The following NFILZ variants were observed in gnomAD, a reference collection of about 807,000 sequenced individuals.
NFILZ encodes the protein NFIL3 like protein.
intron 3 of NFILZ, among the ~76,000 whole-genome samples, chr19:8,670,329 T>G (rs528285656): frequency 6.6e-6 from 1 of 152,280 alleles, no homozygotes; most frequent in Non-Finnish European, 1.5e-5. Context: ...CTTGAACTCC[T>G]AGGCTCAAGT....
In NFILZ at chr19:8,679,312, G is replaced by T. The variant is rs1295404937; in HGVS notation, c.*1677G>T. On this transcript the variant is annotated 3_prime_UTR_variant, in exon 6 of 6. Transcript: ENST00000691075. ...TATTATTATTATTATTATTACATCAGGGATCTTGTTAGATTCTAGATAAAA... is the reference window on the plus strand; with the variant it reads ...TATTATTATTATTATTATTACATCATGGATCTTGTTAGATTCTAGATAAAA... Among the ~76,000 whole-genome samples the T allele has an allele frequency of 1.3e-4, 18 of 143,188 alleles. No homozygotes were observed. Among genetic ancestry groups the T allele is most frequent in the African/African-American group, 4.9e-4 (17 of 34,548 alleles). The allele number at this position is 143,188 out of a possible 152,430, so 93.9% of individuals were successfully genotyped here.
rs548764521 is a variant in NFILZ, at chr19:8,662,054, A to C, written c.-163-12497A>C. On this transcript the variant is annotated intron_variant, in intron 3 of 5. Transcript: ENST00000691075. ...GTCTCTACAAAATAAAAATAAAAAA[A>C]ACTGGCCAGGTGTGGTGGCACATGC... Among the ~76,000 whole-genome samples the C allele has an allele frequency of 1.7e-4, 26 of 152,214 alleles. No individual in the cohort carries two copies. In the East Asian group the frequency reaches 3.7e-3, roughly 21 times the overall value.
At chr19:8,636,527 C>G (rs1438599256) in intron 3 of NFILZ, among the ~76,000 whole-genome samples, 1 of 149,374 alleles carries the variant, frequency 6.7e-6, no homozygotes, top group African/African-American at 2.4e-5. Flanking sequence ...TCACCGCAAC[C>G]TCTGCCTCCT....
chr19:8,672,689 A>G (rs2043094018), intron 3 of NFILZ, among the ~76,000 whole-genome samples: 3 of 151,488 alleles, frequency 2.0e-5, no homozygotes, highest in South Asian at 4.2e-4. Flanking sequence ...AGTTCATTCA[A>G]AAATATTCAG....
At chr19:8,639,178 T>C (rs2042908335) in intron 3 of NFILZ, among the ~76,000 whole-genome samples, 1 of 151,862 alleles carries the variant, frequency 6.6e-6, no homozygotes, top group Non-Finnish European at 1.5e-5. Context: ...AGGAGGTCCA[T>C]GTGGTTGGAG....
In NFILZ at chr19:8,648,509, A is replaced by C. The variant is rs1012984625; in HGVS notation, c.-164+12763A>C. ...AAATGGTTAGTTTTACATTATGTAT[A>C]TATTACTACACAAAAAAGGCAGATG... On this transcript the variant is annotated intron_variant, in intron 3 of 5. Coordinates refer to ENST00000691075, the MANE Select transcript of NFILZ (RefSeq NM_001378600.1). Among the ~76,000 whole-genome samples, 13 of 152,124 alleles carry C rather than the reference A, an allele frequency of 8.5e-5. 1 individual carries two copies. Among genetic ancestry groups the C allele is most frequent in the Admixed American group, 7.9e-4 (12 of 15,250 alleles).
chr19:8,664,388 T>C (rs537269208), intron 3 of NFILZ, among the ~76,000 whole-genome samples: 1 of 152,108 alleles, frequency 6.6e-6, no homozygotes, highest in African/African-American at 2.4e-5. Flanking sequence ...ATCAGCCTGT[T>C]CCTGGCACTC....
intron 1 of NFILZ, among the ~76,000 whole-genome samples, chr19:8,631,911 C>G (rs2042872001): frequency 6.7e-6 from 1 of 149,732 alleles, no homozygotes; most frequent in Non-Finnish European, 1.5e-5. Context: ...CTCTTGTTGC[C>G]CAGGCTGCAA....
At chr19:8,666,614 A>G (rs1383951224) in intron 3 of NFILZ, among the ~76,000 whole-genome samples, 1 of 152,180 alleles carries the variant, frequency 6.6e-6, no homozygotes, top group Non-Finnish European at 1.5e-5. Flanking sequence ...TCAGTATCCC[A>G]TGGCCAATAT....
intron 3 of NFILZ, among the ~76,000 whole-genome samples, chr19:8,653,896 C>T (rs2042980348): frequency 6.6e-6 from 1 of 152,096 alleles, no homozygotes; most frequent in Non-Finnish European, 1.5e-5. Flanking sequence ...GACGGGTGCT[C>T]TAAAATCTCA....
intron 2 of NFILZ, among the ~76,000 whole-genome samples, chr19:8,634,993 C>T (rs1364885947): frequency 2.0e-5 from 3 of 151,990 alleles, no homozygotes; most frequent in African/African-American, 7.2e-5. Flanking sequence ...CCACACAACC[C>T]TATAACCACA....
At chr19:8,644,930 TA>T (rs1320450446) in intron 3 of NFILZ, among the ~76,000 whole-genome samples, 1 of 151,844 alleles carries the variant, frequency 6.6e-6, no homozygotes, top group Non-Finnish European at 1.5e-5. Context: ...CATTCCTGGA[TA>T]ATTTTGTATT....
chr19:8,647,600 C>A (rs1227153740), intron 3 of NFILZ, among the ~76,000 whole-genome samples: 2 of 143,890 alleles, frequency 1.4e-5, no homozygotes, highest in South Asian at 2.3e-4. Context: ...AAAAAGGGAA[C>A]GAGATCATGT....
intron 3 of NFILZ, among the ~76,000 whole-genome samples, chr19:8,663,754 G>GTGTGTATGTGTGTGTA (rs1475816997): frequency 3.2e-4 from 38 of 117,564 alleles, no homozygotes; most frequent in South Asian, 1.7e-3. Flanking sequence ...GTGTGTGTGT[G>GTGTGTATGTGTGTGTA]TGTGTGTGTG....
intron 3 of NFILZ, among the ~76,000 whole-genome samples, chr19:8,658,882 C>T (rs1350723730): frequency 6.6e-6 from 1 of 151,982 alleles, no homozygotes; most frequent in Non-Finnish European, 1.5e-5. Context: ...CCCAGGAGGT[C>T]GAGGCTGCAG....
rs932267451 is a variant in NFILZ at position 8,655,191 on chromosome 19, G to A, written c.-163-19360G>A. Among the ~76,000 whole-genome samples, 80 of 152,326 alleles carry A rather than the reference G, an allele frequency of 5.3e-4. 1 individual carries two copies. The highest frequency in any genetic ancestry group is 1.8e-3 in the African/African-American group (73 of 41,580). ...GGCCAGGAATTAGACAATCTGAAAGGCAATGGGGAGCCATAGAGGGTGTTT... is the reference window on the plus strand; with the variant it reads ...GGCCAGGAATTAGACAATCTGAAAGACAATGGGGAGCCATAGAGGGTGTTT... On this transcript the variant is annotated intron_variant, in intron 3 of 5. Coordinates refer to ENST00000691075, the MANE Select transcript of NFILZ (RefSeq NM_001378600.1).
At chr19:8,643,142 G>T (rs2042926067) in intron 3 of NFILZ, among the ~76,000 whole-genome samples, 1 of 151,992 alleles carries the variant, frequency 6.6e-6, no homozygotes, top group South Asian at 2.1e-4. Flanking sequence ...AAGAAATGGG[G>T]TCTCCCTCTG....
intron 3 of NFILZ, among the ~76,000 whole-genome samples, chr19:8,664,826 G>T (rs1387665174): frequency 1.3e-5 from 2 of 152,102 alleles, no homozygotes; most frequent in African/African-American, 4.8e-5. Context: ...TGGGCAGGAG[G>T]GGTGGAGAAG....
intron 3 of NFILZ, among the ~76,000 whole-genome samples, chr19:8,674,142 ATTTTTT>A (rs2043100782): frequency 1.3e-5 from 2 of 152,060 alleles, no homozygotes; most frequent in South Asian, 4.1e-4. Flanking sequence ...GCTTGGCCTT[ATTTTTT>A]ATTCTCCAAG....
Sources: allele counts gnomAD v4.1 joint callset (sites outside exome capture counted in the v4.1 genomes callset), GRCh38; gene constraint gnomAD v4.1.1; transcripts MANE v1.5; gene names NCBI Gene and HGNC (gene_info 2026-07-23, HGNC 2026-07-21).